Variants in OCA2 observed in about 807,000 individuals in gnomAD.
OCA2 encodes the protein P protein.
In OCA2, 77 loss-of-function variants were observed where a neutral mutation model predicts 100.2. That is an observed-to-expected ratio of 0.77 (90% confidence interval 0.64 to 0.93). The LOEUF (loss-of-function observed/expected upper bound fraction) is 0.93, where lower values mean the gene tolerates loss of function less well. Among genes scored for constraint, OCA2 ranks in the 40% least tolerant of loss-of-function variants. OCA2 has a pLI of 0.00. For synonymous variants in OCA2, 432 were observed against 439.2 expected, an observed-to-expected ratio of 0.98 and a Z score of 0.21; for missense variants, 1,062 against 1,089.1, an observed-to-expected ratio of 0.98 and a Z score of 0.35.
chr15:27,838,380 G>A (rs918606018), intron 23 of OCA2, among the ~76,000 whole-genome samples: 2 of 152,130 alleles, frequency 1.3e-5, no homozygotes, highest in African/African-American at 4.8e-5. Flanking sequence ...AGGCAAACAG[G>A]AGGCCAAAAA....
intron 19 of OCA2, among the ~76,000 whole-genome samples, chr15:27,908,298 C>G (rs1254281062): frequency 6.6e-6 from 1 of 152,020 alleles, no homozygotes; most frequent in African/African-American, 2.4e-5. Flanking sequence ...TCCATAAATA[C>G]TAGGGGGAAA....
chr15:27,869,083 C>A (rs975709142), intron 21 of OCA2, among the ~76,000 whole-genome samples: 1 of 152,238 alleles, frequency 6.6e-6, no homozygotes, highest in Non-Finnish European at 1.5e-5. Flanking sequence ...AGTGGCTCCC[C>A]ATGTCCCTCC....
At chr15:27,905,631 C>A (rs1194149425) in intron 19 of OCA2, among the ~76,000 whole-genome samples, 1 of 152,136 alleles carries the variant, frequency 6.6e-6, no homozygotes, top group Admixed American at 6.5e-5. Flanking sequence ...ACCAAGTGGT[C>A]AAGTGGAAAA....
chr15:27,810,049 C>A (rs922048732), intron 23 of OCA2, among the ~76,000 whole-genome samples: 3 of 152,098 alleles, frequency 2.0e-5, no homozygotes, highest in Non-Finnish European at 4.4e-5. Flanking sequence ...AAAAAAGGGC[C>A]TGAACAGACA....
chr15:28,077,951 G>A (rs879924122), intron 2 of OCA2, among the ~76,000 whole-genome samples: 7 of 152,180 alleles, frequency 4.6e-5, no homozygotes, highest in Non-Finnish European at 8.8e-5. Context: ...GTGGTGGCGA[G>A]TGCCTGTAGT....
At chr15:28,040,546 G>A (rs982851165) in intron 2 of OCA2, among the ~76,000 whole-genome samples, 1 of 152,090 alleles carries the variant, frequency 6.6e-6, no homozygotes, top group Non-Finnish European at 1.5e-5. Context: ...GAAAATTAAT[G>A]AGACCAAAAG....
At chr15:27,719,609 T>C in the OCA2 span, among the ~76,000 whole-genome samples, 17 of 152,196 alleles carry the variant, frequency 1.1e-4, no homozygotes, top group African/African-American at 4.1e-4. Context: ...AAGTTAGACA[T>C]GCACTATATC....
At chr15:28,097,027 G>A (rs1441926937) in intron 1 of OCA2, among the ~76,000 whole-genome samples, 1 of 152,200 alleles carries the variant, frequency 6.6e-6, no homozygotes, top group Non-Finnish European at 1.5e-5. Context: ...AGTTTGGCCC[G>A]GCGCTGTGCC....
intron 6 of OCA2, among the ~76,000 whole-genome samples, chr15:28,020,358 G>T (rs980938281): frequency 2.6e-5 from 4 of 152,184 alleles, no homozygotes; most frequent in Admixed American, 2.6e-4. Context: ...GATCTCTACT[G>T]ACTGATCAAG....
At chr15:27,888,000 G>C (rs771245871) in intron 19 of OCA2, among the ~76,000 whole-genome samples, 9 of 152,134 alleles carry the variant, frequency 5.9e-5, no homozygotes, top group Non-Finnish European at 8.8e-5. Context: ...CCCAGGTCAA[G>C]AGCCATGTGC....
chr15:27,980,417 G>A (rs1483883762), intron 14 of OCA2, among the ~76,000 whole-genome samples: 3 of 152,154 alleles, frequency 2.0e-5, no homozygotes, highest in Non-Finnish European at 4.4e-5. Context: ...GTGAGCCACC[G>A]CGCACGGCCA....
chr15:28,078,064 G>A (rs909797263), intron 2 of OCA2, among the ~76,000 whole-genome samples: 5 of 152,212 alleles, frequency 3.3e-5, no homozygotes, highest in African/African-American at 4.8e-5. Context: ...GGGTGACAAC[G>A]TTGAATTGAA....
At chr15:27,872,640 G>T (rs945014244) in intron 19 of OCA2, among the ~76,000 whole-genome samples, 1 of 151,964 alleles carries the variant, frequency 6.6e-6, no homozygotes, top group Admixed American at 6.5e-5. Context: ...CTGAAAGACT[G>T]CAAATATTGG....
chr15:27,799,100 C>A (rs955673355), intron 23 of OCA2, among the ~76,000 whole-genome samples: 6 of 145,070 alleles, frequency 4.1e-5, no homozygotes, highest in Non-Finnish European at 6.2e-5. Context: ...CATTATTCAA[C>A]AGAATGGAAG....
At chr15:27,821,647 CACACAG>C (rs1231910270) in intron 23 of OCA2, among the ~76,000 whole-genome samples, 7 of 109,956 alleles carry the variant, frequency 6.4e-5, no homozygotes, top group South Asian at 1.1e-3. Flanking sequence ...CACAAGTGTG[CACACAG>C]ACACAGGCTC....
rs111251218 is a variant in OCA2, at chr15:27,879,570, G to C, written c.2080-7648C>G. Among the ~76,000 whole-genome samples, 1,356 of 152,190 alleles carry C rather than the reference G, an allele frequency of 8.9e-3. 21 individuals carry two copies. The highest frequency in any genetic ancestry group is 0.029 in the African/African-American group (1,223 of 41,536). ...ATTCTGACTGATGTGTGATCTCATT[G>C]TGGTTTTGCTTTGCATTTCTTTAAC... is the stretch of plus-strand genomic sequence containing the variant. On this transcript the variant is annotated intron_variant, in intron 19 of 23. Coordinates refer to ENST00000354638, the MANE Select transcript of OCA2 (RefSeq NM_000275.3).
the OCA2 span, among the ~76,000 whole-genome samples, chr15:27,744,795 C>T: frequency 6.6e-6 from 1 of 152,208 alleles, no homozygotes; most frequent in Non-Finnish European, 1.5e-5. Flanking sequence ...TGATGGACCC[C>T]TCTCTTGGCC....
At chr15:28,042,472 C>CAAAAA (rs972724008) in intron 2 of OCA2, among the ~76,000 whole-genome samples, 35 of 97,246 alleles carry the variant, frequency 3.6e-4, no homozygotes, top group Admixed American at 9.3e-4. Context: ...ACTAAAAATA[C>CAAAAA]AAAAAAAAAA....
chr15:27,863,423 G>C (rs1171142909), intron 21 of OCA2, among the ~76,000 whole-genome samples: 1 of 152,168 alleles, frequency 6.6e-6, no homozygotes, highest in Non-Finnish European at 1.5e-5. Context: ...CCTCCTGATG[G>C]GCCGGGCCTA....
Sources: gnomAD v4.1 joint callset for allele counts (sites outside exome capture counted in the v4.1 genomes callset) on GRCh38, gnomAD v4.1.1 for gene constraint, MANE v1.5 for transcripts, NCBI Gene and HGNC (gene_info 2026-07-23, HGNC 2026-07-21) for gene names.